ADARB1: variants seen among roughly 807,000 people sequenced by gnomAD.
ADARB1 encodes double-stranded RNA-specific editase 1.
Under a neutral mutation model 52.4 loss-of-function variants are expected in ADARB1, and 10 were observed. The observed-to-expected ratio is 0.19, with a 90% confidence interval of 0.12 to 0.32. ADARB1 has a LOEUF of 0.32. ADARB1 is among the 10% of genes least tolerant of loss of function. ADARB1 has a pLI of 1.00. For missense variants in ADARB1, 643 were observed against 922.3 expected (o/e 0.70, Z 3.92); for synonymous variants, 349 against 371.1 (o/e 0.94, Z 0.68).
intron 2 of ADARB1, chr21:45,134,593 G>A (rs1399755792): frequency 1.1e-5 from 4 of 371,486 alleles, no homozygotes; most frequent in Admixed American, 6.8e-5. Context: ...TGACAGAGGC[G>A]TGGCTTAGTG....
Position 45,171,797 on chromosome 21 carries a change from A to C in ADARB1, c.28+113A>C, listed in dbSNP as rs557379627. 136 of 941,538 alleles carry C rather than the reference A, an allele frequency of 1.4e-4. No individual in the cohort carries two copies. In the South Asian group the frequency reaches 2.1e-3, roughly 15 times the overall value. 58.3% of individuals were successfully genotyped at this position (941,538 alleles called of 1,614,324 possible). ...TGTGGGGATTGTGTTTTTTCCCGTA[A>C]CATCTTCTACTGACAGTGGCATGTT... On this transcript the variant is annotated intron_variant, in intron 3 of 10. Transcript: ENST00000348831.
chr21:45,222,000 T>C lies in ADARB1; in HGVS notation c.1927-18T>C. The C allele has an allele frequency of 3.1e-6, 5 of 1,611,966 alleles. No homozygotes were observed. The highest frequency in any genetic ancestry group is 4.2e-6 in the Non-Finnish European group (5 of 1,178,598). On this transcript the variant is annotated intron_variant, in intron 10 of 10. Coordinates refer to ENST00000348831, the MANE Select transcript of ADARB1 (RefSeq NM_001112.4). This position sits in a 1 kb window ranked among gnomAD's most constrained non-coding sequence, Gnocchi z 4.9. Reference sequence around the variant, plus strand: ...TTACAGCGTCAACAGTTGCATTTGTTTTTTTATCCCTTCACAGGTTCCCTC... The same window carrying C: ...TTACAGCGTCAACAGTTGCATTTGTCTTTTTATCCCTTCACAGGTTCCCTC...
At chr21:45,124,816 T>TGTGA (rs1366638948) in intron 1 of ADARB1, among the ~76,000 whole-genome samples, 64 of 150,720 alleles carry the variant, frequency 4.2e-4, no homozygotes, top group African/African-American at 8.8e-4. Context: ...TGTGTGTGTG[T>TGTGA]GACAGGGTCT....
intron 8 of ADARB1, among the ~76,000 whole-genome samples, chr21:45,192,908 A>G (rs964588431): frequency 1.3e-5 from 2 of 152,254 alleles, no homozygotes; most frequent in African/African-American, 2.4e-5. Context: ...TGGGCTATCT[A>G]TATGTATTAG....
At chr21:45,178,438 G>A (rs772907255) in intron 4 of ADARB1, among the ~76,000 whole-genome samples, 6 of 152,242 alleles carry the variant, frequency 3.9e-5, no homozygotes, top group Admixed American at 6.5e-5. Flanking sequence ...ATGAGGGGAT[G>A]GAGCTGCACT....
rs755749136 is a variant in ADARB1 at position 45,176,498 on chromosome 21, C to A, written c.797C>A (p.Ser266Tyr). 2 of 1,614,086 alleles carry A rather than the reference C, an allele frequency of 1.2e-6. No homozygotes were observed. Among genetic ancestry groups the A allele is most frequent in the Non-Finnish European group, 1.7e-6 (2 of 1,180,042 alleles). The change falls in exon 4 of 11, where the codon TCT becomes TAT. Residue 266 changes from serine to tyrosine, a missense_variant. This residue lies in a region of ADARB1 where 380 missense variants were observed against 446.5 expected (regional missense o/e 0.85). Transcript: ENST00000348831. The surrounding 1 kb of genome is among the most constrained non-coding windows in gnomAD (Gnocchi z 5.8). Reference protein sequence around the residue: ...GESHAKSFVMSVVVDGQFFEG... With the variant: ...GESHAKSFVMYVVVDGQFFEG... ...AGCCATGCCAAGAGCTTCGTCATGTCTGTGGTCGTGGATGGTCAGTTCTTT... is the reference window on the plus strand; with the variant it reads ...AGCCATGCCAAGAGCTTCGTCATGTATGTGGTCGTGGATGGTCAGTTCTTT...
intron 1 of ADARB1, among the ~76,000 whole-genome samples, chr21:45,112,926 C>T (rs2087610126): frequency 6.6e-6 from 1 of 152,072 alleles, no homozygotes; most frequent in Non-Finnish European, 1.5e-5. Context: ...CCTGTGTACA[C>T]AGGCCCTAAG....
At chr21:45,111,847 T>C (rs770916729) in intron 1 of ADARB1, among the ~76,000 whole-genome samples, 4 of 152,222 alleles carry the variant, frequency 2.6e-5, no homozygotes, top group Non-Finnish European at 5.9e-5. Flanking sequence ...TACATGTGTT[T>C]TGGTAAAGAA....
chr21:45,213,727 G>T (rs2092812059), intron 9 of ADARB1, among the ~76,000 whole-genome samples: 1 of 152,152 alleles, frequency 6.6e-6, no homozygotes, highest in Admixed American at 6.5e-5. Context: ...TTTATCCATA[G>T]TTCATTCCTT....
intron 1 of ADARB1, among the ~76,000 whole-genome samples, chr21:45,090,208 A>G (rs1601283524): frequency 6.6e-6 from 1 of 152,208 alleles, no homozygotes; most frequent in Non-Finnish European, 1.5e-5. Flanking sequence ...AATATAGCAA[A>G]TTTCATTAAT....
chr21:45,176,968 C>A lies in ADARB1; in HGVS notation c.963+304C>A, dbSNP rs1351671394. 3 of 284,636 alleles carry A rather than the reference C, an allele frequency of 1.1e-5. No homozygotes were observed. The highest frequency in any genetic ancestry group is 4.8e-5 in the Admixed American group (1 of 20,928). 17.6% of individuals were successfully genotyped at this position (284,636 alleles called of 1,614,324 possible). A position where few individuals can be genotyped will look rare whatever the true frequency, so the allele number is the denominator to read the frequency against. On this transcript the variant is annotated intron_variant, in intron 4 of 10. Transcript: ENST00000348831. The surrounding 1 kb of genome is among the most constrained non-coding windows in gnomAD (Gnocchi z 5.8). Reference sequence around the variant, plus strand: ...TCCCTTCCCGTTAGGCAACCCCCCCCATGACCCTCATCCCACAGCAAGCCT... The same window carrying A: ...TCCCTTCCCGTTAGGCAACCCCCCCAATGACCCTCATCCCACAGCAAGCCT...
intron 2 of ADARB1, chr21:45,152,504 T>G (rs1036645645): frequency 4.0e-6 from 1 of 247,468 alleles, no homozygotes; most frequent in Non-Finnish European, 8.6e-6. Flanking sequence ...GGGCTGCTGT[T>G]GTCGCAGCTG....
intron 2 of ADARB1, among the ~76,000 whole-genome samples, chr21:45,136,412 T>C (rs1425670818): frequency 1.3e-5 from 2 of 152,136 alleles, no homozygotes; most frequent in Non-Finnish European, 1.5e-5. Flanking sequence ...ACACCAGATT[T>C]AGGGAAAATA....
rs1278055693 is a variant in ADARB1, at chr21:45,200,655, TG to T, written c.1566-3898del. ...AAGCCAAGATGGGCTCTGCAGAAGG[TG>T]GCCTCCCGTGCAGCTGCTTGAAGAA... On this transcript the variant is annotated intron_variant, in intron 8 of 10. Transcript: ENST00000348831. The surrounding 1 kb of genome is among the most constrained non-coding windows in gnomAD (Gnocchi z 5.0). Among the ~76,000 whole-genome samples, 1 of 152,042 alleles carries T rather than the reference TG, an allele frequency of 6.6e-6. No individual in the cohort carries two copies.
At chr21:45,138,523 C>T (rs1467066384) in intron 2 of ADARB1, among the ~76,000 whole-genome samples, 4 of 152,194 alleles carry the variant, frequency 2.6e-5, no homozygotes, top group Admixed American at 1.3e-4. Context: ...AGGAGCAGGC[C>T]GTGGAGCTCT....
intron 2 of ADARB1, among the ~76,000 whole-genome samples, chr21:45,153,184 A>C (rs931877896): frequency 8.5e-5 from 13 of 152,206 alleles, no homozygotes; most frequent in African/African-American, 2.9e-4. Flanking sequence ...TACATTCTGC[A>C]CTCCAGGTTA....
At chr21:45,103,349 A>G (rs1399460557) in intron 1 of ADARB1, among the ~76,000 whole-genome samples, 2 of 151,876 alleles carry the variant, frequency 1.3e-5, no homozygotes, top group Non-Finnish European at 2.9e-5. Context: ...CCAGCGCGTT[A>G]CATTTATTGT....
intron 8 of ADARB1, among the ~76,000 whole-genome samples, chr21:45,190,483 T>G (rs367627805): frequency 6.6e-6 from 1 of 152,180 alleles, no homozygotes; most frequent in Non-Finnish European, 1.5e-5. Context: ...TTTGGTCCTT[T>G]GGTTGGGCTA....
Position 45,222,404 on chromosome 21 carries a change from G to C in ADARB1, c.*207G>C. ...GTGGGGAGGGGATGGGGTGCGTCAG[G>C]GCCCAGCATCGCCGCCTGGCATCTC... On this transcript the variant is annotated 3_prime_UTR_variant, in exon 11 of 11. Transcript: ENST00000348831. 3 of 1,301,958 alleles carry C rather than the reference G, an allele frequency of 2.3e-6. No homozygotes were observed. Among genetic ancestry groups the C allele is most frequent in the Non-Finnish European group, 2.9e-6 (3 of 1,030,670 alleles). 80.7% of individuals were successfully genotyped at this position (1,301,958 alleles called of 1,614,324 possible).
Sources: gnomAD v4.1 joint callset for allele counts (sites outside exome capture counted in the v4.1 genomes callset) on GRCh38, gnomAD v4.1.1 for gene constraint, gnomAD v4.1.1 regional missense constraint, Gnocchi (gnomAD v3.1) non-coding constraint, MANE v1.5 for transcripts, NCBI Gene and HGNC (gene_info 2026-07-23, HGNC 2026-07-21) for gene names.